The following TMEM150A variants were observed in gnomAD, a reference collection of about 807,000 sequenced individuals.
The protein encoded by TMEM150A is fasting-inducible integral membrane protein TM6P1.
In TMEM150A, 18 loss-of-function variants were observed where a neutral mutation model predicts 29.8. The observed-to-expected ratio is 0.60, with a 90% CI of 0.42 to 0.90. The LOEUF (loss-of-function observed/expected upper bound fraction) is 0.90. TMEM150A is among the 40% of genes least tolerant of loss of function. The probability of loss-of-function intolerance (pLI) is 0.00; values close to 1 mark genes in which losing one functional copy is unlikely to be tolerated. For missense variants in TMEM150A, 251 were observed against 349.7 expected, an observed-to-expected ratio of 0.72 and a Z score of 2.25; for synonymous variants, 127 against 143.6, an observed-to-expected ratio of 0.88 and a Z score of 0.83.
At chr2:85,600,112 C>G in intron 5 of TMEM150A, 94 bp from the exon 6 acceptor site, 1 of 1,526,154 alleles carries the variant, frequency 6.6e-7, no homozygotes, top group East Asian at 2.3e-5. Flanking sequence ...TGCTCCTGCC[C>G]CTTCTGAGGG....
intron 4 of TMEM150A, chr2:85,600,648 A>C: frequency 1.8e-6 from 1 of 568,064 alleles, no homozygotes; most frequent in Admixed American, 3.1e-5. Context: ...CAACCCTGAC[A>C]CTCTTTGCTG....
chr2:85,601,667 C>T lies in TMEM150A; in HGVS notation c.66-185G>A. ...TGCAGCATGCCCCCAGCTACAGGCC[C>T]TCTGGAAATTGCCCTGGCTAGAAGT... On this transcript the variant is annotated intron_variant, in intron 2 of 7. Transcript: ENST00000334462. The surrounding 1 kb of genome is among the most constrained non-coding windows in gnomAD (Gnocchi z 4.0). 3.6e-6 allele frequency: 3 copies of T among 843,376 alleles called. No homozygotes were observed. The South Asian group carries it at 4.9e-5, about 14-fold the overall frequency. 52.2% of individuals were successfully genotyped at this position (843,376 alleles called of 1,614,324 possible). A position where few individuals can be genotyped will look rare whatever the true frequency, so the allele number is the denominator to read the frequency against.
rs1410268446 is a variant in TMEM150A at position 85,598,731 on chromosome 2, C to T, written c.*345G>A. On this transcript the variant is annotated 3_prime_UTR_variant, in exon 8 of 8. Coordinates refer to ENST00000334462, the MANE Select transcript of TMEM150A (RefSeq NM_001031738.3). ...TCCACCTCCACCAGACTTCTATCCC[C>T]TCTGCTGTTCCCAGCCCCCAATTCC... is the stretch of plus-strand genomic sequence containing the variant. 1 of 303,076 alleles carries T rather than the reference C, an allele frequency of 3.3e-6. No individual in the cohort carries two copies. The highest frequency in any genetic ancestry group is 2.1e-5 in the African/African-American group (1 of 46,826). The allele number at this position is 303,076 out of a possible 1,614,324, so 18.8% of individuals were successfully genotyped here. A position where few individuals can be genotyped will look rare whatever the true frequency, so the allele number is the denominator to read the frequency against.
Position 85,601,111 on chromosome 2 carries a change from G to A in TMEM150A, c.114-4C>T, listed in dbSNP as rs1168731744. 8.1e-6 allele frequency: 13 copies of A among 1,612,372 alleles called. No homozygotes were observed. Among genetic ancestry groups the A allele is most frequent in the Middle Eastern group, 1.7e-4 (1 of 5,862 alleles). The stretch of plus-strand genomic sequence containing the variant: ...AGGGCAGGACTCGTTGTAGGACCTG[G>A]CAGGCAGGACAGGGAGTAGACTGGG... On this transcript the variant is annotated splice_region_variant and splice_polypyrimidine_tract_variant and intron_variant, in intron 3 of 7. Transcript: ENST00000334462. The surrounding 1 kb of genome is among the most constrained non-coding windows in gnomAD (Gnocchi z 4.0).
At position 85,602,084 on chromosome 2, in the gene TMEM150A, G is replaced by T; in HGVS notation, c.-116-20C>A. The T allele has an allele frequency of 2.6e-6, 2 of 757,422 alleles. No individual in the cohort carries two copies. Among genetic ancestry groups the T allele is most frequent in the African/African-American group, 1.7e-5 (1 of 58,074 alleles). The allele number at this position is 757,422 out of a possible 1,614,324, so 46.9% of individuals were successfully genotyped here. A position where few individuals can be genotyped will look rare whatever the true frequency, so the allele number is the denominator to read the frequency against. ...CCTGGCCTGGTGGAGAGAGATCAAA[G>T]TCCAGGAGTGGGTAACTGGCCGGGA... On this transcript the variant is annotated intron_variant, in intron 1 of 7. Coordinates refer to ENST00000334462, the MANE Select transcript of TMEM150A (RefSeq NM_001031738.3). This position sits in a 1 kb window ranked among gnomAD's most constrained non-coding sequence, Gnocchi z 5.6.
Position 85,601,518 on chromosome 2 carries a change from C to A in TMEM150A, c.66-36G>T. 1.2e-6 allele frequency: 2 copies of A among 1,604,152 alleles called. No individual in the cohort carries two copies. Among genetic ancestry groups the A allele is most frequent in the Non-Finnish European group, 8.5e-7 (1 of 1,175,286 alleles). ...AGAACTGTCACCCTGGCAGCCTTCCCGAGCCCCACTCAACCCACCCCATGA... is the reference window on the plus strand; with the variant it reads ...AGAACTGTCACCCTGGCAGCCTTCCAGAGCCCCACTCAACCCACCCCATGA... On this transcript the variant is annotated intron_variant, in intron 2 of 7. Coordinates refer to ENST00000334462, the MANE Select transcript of TMEM150A (RefSeq NM_001031738.3). The surrounding 1 kb of genome is among the most constrained non-coding windows in gnomAD (Gnocchi z 4.0).
Position 85,600,368 on chromosome 2 carries a change from A to T in TMEM150A, c.245T>A (p.Ile82Asn). The T allele has an allele frequency of 6.2e-7, 1 of 1,613,940 alleles. No individual in the cohort carries two copies. The highest frequency in any genetic ancestry group is 1.1e-5 in the South Asian group (1 of 91,070). The stretch of plus-strand genomic sequence containing the variant: ...ACCCATGAAAGCACCCATGTTGCCA[A>T]TGAGGCTGAAGAGGCAGCTTTCTGG... ...YPPESCLFSL[I>N]GNMGAFMVAL... Residue 82 changes from isoleucine to asparagine, a missense_variant, in exon 5 of 8, where the codon ATT (isoleucine) becomes AAT (asparagine). Transcript: ENST00000334462.
Position 85,599,747 on chromosome 2 carries a change from C to T in TMEM150A, c.397-45G>A, listed in dbSNP as rs746391167. On this transcript the variant is annotated intron_variant, in intron 6 of 7. Coordinates refer to ENST00000334462, the MANE Select transcript of TMEM150A (RefSeq NM_001031738.3). The surrounding 1 kb of genome is among the most constrained non-coding windows in gnomAD (Gnocchi z 6.0). ...AGTTGGTGATGTGGCCATGGCCCCA[C>T]CTCTCCACCCCTCCTTCAATGAATC... 6 of 1,594,504 alleles carry T rather than the reference C, an allele frequency of 3.8e-6. No homozygotes were observed. The South Asian group carries it at 6.7e-5, about 18-fold the overall frequency.
chr2:85,599,894 A>G lies in TMEM150A; in HGVS notation c.393T>C (p.Phe131=). 6.2e-7 allele frequency: 1 copy of G among 1,613,236 alleles called. No homozygotes were observed. Among genetic ancestry groups the G allele is most frequent in the African/African-American group, 1.3e-5 (1 of 75,016 alleles). ...NAAGLLVVGN[F]QVDHARSLHY... ...TGCAGGGGAGAAGGGGAAGCACCTG[A>G]AAGTTGCCAACCACCAAGAGGCCCG... is the stretch of plus-strand genomic sequence containing the variant. The change falls in exon 6 of 8, where the codon TTT becomes TTC. Residue 131 remains phenylalanine, a synonymous_variant. Transcript: ENST00000334462. This position sits in a 1 kb window ranked among gnomAD's most constrained non-coding sequence, Gnocchi z 6.0.
In TMEM150A at chr2:85,599,451, C is replaced by T. The variant is rs964935780; in HGVS notation, c.574+74G>A. 44 of 1,565,938 alleles carry T rather than the reference C, an allele frequency of 2.8e-5. No homozygotes were observed. The highest frequency in any genetic ancestry group is 2.3e-4 in the African/African-American group (17 of 73,470). On this transcript the variant is annotated intron_variant, in intron 7 of 7. Transcript: ENST00000334462. This position sits in a 1 kb window ranked among gnomAD's most constrained non-coding sequence, Gnocchi z 6.0. ...CCCACATGGCAGTGTTAGGCCTCCA[C>T]CCCCCATCCTCTTGGGAGGGAGAAA...
rs1419295487 is a variant in TMEM150A, at chr2:85,602,196, AC to A, written c.-116-133del. 1 of 472,126 alleles carries A rather than the reference AC, an allele frequency of 2.1e-6. No individual in the cohort carries two copies. Among genetic ancestry groups the A allele is most frequent in the East Asian group, 3.8e-5 (1 of 26,426 alleles). 29.2% of individuals were successfully genotyped at this position (472,126 alleles called of 1,614,324 possible). A position where few individuals can be genotyped will look rare whatever the true frequency, so the allele number is the denominator to read the frequency against. On this transcript the variant is annotated intron_variant, in intron 1 of 7. Coordinates refer to ENST00000334462, the MANE Select transcript of TMEM150A (RefSeq NM_001031738.3). The surrounding 1 kb of genome is among the most constrained non-coding windows in gnomAD (Gnocchi z 5.6). Reference sequence around the variant, plus strand: ...AAGTTTGGGCTGAGCCCACGGCAGAACGTGAACACCCTCTGGCACTGGGGGC... The same window carrying A: ...AAGTTTGGGCTGAGCCCACGGCAGAAGTGAACACCCTCTGGCACTGGGGGC...
Position 85,601,820 on chromosome 2 carries a change from GGACAA to G in TMEM150A, c.65+59_65+63del. The G allele has an allele frequency of 1.3e-6, 2 of 1,582,882 alleles. No homozygotes were observed. Among genetic ancestry groups the G allele is most frequent in the Non-Finnish European group, 1.7e-6 (2 of 1,153,808 alleles). ...CCTGGGTACCACCGTGGCTATGACAGGACAAGAGACTTTGTGTGCGTCATCAAGCT... is the reference window on the plus strand; with the variant it reads ...CCTGGGTACCACCGTGGCTATGACAGGAGACTTTGTGTGCGTCATCAAGCT... On this transcript the variant is annotated intron_variant, in intron 2 of 7. Transcript: ENST00000334462. The surrounding 1 kb of genome is among the most constrained non-coding windows in gnomAD (Gnocchi z 4.0).
rs894032537 is a variant in TMEM150A, at chr2:85,601,709, C to G, written c.65+175G>C. 1.1e-6 allele frequency: 1 copy of G among 897,072 alleles called. No individual in the cohort carries two copies. The highest frequency in any genetic ancestry group is 1.7e-5 in the African/African-American group (1 of 59,954). 55.6% of individuals were successfully genotyped at this position (897,072 alleles called of 1,614,324 possible). A position where few individuals can be genotyped will look rare whatever the true frequency, so the allele number is the denominator to read the frequency against. ...GCTAGAAGTATATTTGTCAGGGCCA[C>G]CCTGCTGGACAGCAGTGGTGCCAGC... is the stretch of plus-strand genomic sequence containing the variant. On this transcript the variant is annotated intron_variant, in intron 2 of 7. Transcript: ENST00000334462. The surrounding 1 kb of genome is among the most constrained non-coding windows in gnomAD (Gnocchi z 4.0).
At position 85,602,051 on chromosome 2, in the gene TMEM150A, T is replaced by A; in HGVS notation, c.-103A>T. 2 of 1,022,542 alleles carry A rather than the reference T, an allele frequency of 2.0e-6. No individual in the cohort carries two copies. The highest frequency in any genetic ancestry group is 3.1e-6 in the Non-Finnish European group (2 of 651,000). The allele number at this position is 1,022,542 out of a possible 1,614,324, so 63.3% of individuals were successfully genotyped here. Reference sequence around the variant, plus strand: ...CCTTGAGATGTTTCTGCCACAACCATCAGCTGTCCTGGCCTGGTGGAGAGA... The same window carrying A: ...CCTTGAGATGTTTCTGCCACAACCAACAGCTGTCCTGGCCTGGTGGAGAGA... On this transcript the variant is annotated 5_prime_UTR_variant, in exon 2 of 8. An upstream start codon of the reference 5' UTR is lost. Coordinates refer to ENST00000334462, the MANE Select transcript of TMEM150A (RefSeq NM_001031738.3). The surrounding 1 kb of genome is among the most constrained non-coding windows in gnomAD (Gnocchi z 5.6).
In TMEM150A at chr2:85,601,434, C is replaced by G. The variant is rs1672951012; in HGVS notation, c.113+1G>C. The G allele has an allele frequency of 1.9e-6, 3 of 1,613,740 alleles. No homozygotes were observed. Among genetic ancestry groups the G allele is most frequent in the South Asian group, 1.1e-5 (1 of 91,060 alleles). ...AAGGTTGTCTGCAGAGTCCTTCATA[C>G]CAGTTCTCCACAGGGCATACATGGT... On this transcript the variant is annotated splice_donor_variant, in intron 3 of 7. Coordinates refer to ENST00000334462, the MANE Select transcript of TMEM150A (RefSeq NM_001031738.3). LOFTEE classifies it high-confidence loss of function. This position sits in a 1 kb window ranked among gnomAD's most constrained non-coding sequence, Gnocchi z 4.0.
rs1243063403 is a variant in TMEM150A at position 85,601,323 on chromosome 2, A to G, written c.113+112T>C. 7.1e-7 allele frequency: 1 copy of G among 1,402,122 alleles called. No individual in the cohort carries two copies. The highest frequency in any genetic ancestry group is 1.0e-6 in the Non-Finnish European group (1 of 987,672). The allele number at this position is 1,402,122 out of a possible 1,614,324, so 86.9% of individuals were successfully genotyped here. ...AGCCATGCCTGGGGACCAATTTCAG[A>G]GAAGAGCAGTGAGGCTCAGGGTTGC... On this transcript the variant is annotated intron_variant, in intron 3 of 7. Coordinates refer to ENST00000334462, the MANE Select transcript of TMEM150A (RefSeq NM_001031738.3). This position sits in a 1 kb window ranked among gnomAD's most constrained non-coding sequence, Gnocchi z 4.0.
rs1308599249 is a variant in TMEM150A at position 85,602,540 on chromosome 2, C to A, written c.-117+67G>T. 1 of 152,090 alleles carries A rather than the reference C, an allele frequency of 6.6e-6. No individual in the cohort carries two copies. Among genetic ancestry groups the A allele is most frequent in the Middle Eastern group, 3.4e-3 (1 of 290 alleles). The allele number at this position is 152,090 out of a possible 1,614,324, so 9.4% of individuals were successfully genotyped here. Reference sequence around the variant, plus strand: ...CCCTGCGGCCGGCGACCCCCCAGGACCCGGGACGCGAGAGTCCCCAGGTGA... The same window carrying A: ...CCCTGCGGCCGGCGACCCCCCAGGAACCGGGACGCGAGAGTCCCCAGGTGA... On this transcript the variant is annotated intron_variant, in intron 1 of 7. Coordinates refer to ENST00000334462, the MANE Select transcript of TMEM150A (RefSeq NM_001031738.3). This position sits in a 1 kb window ranked among gnomAD's most constrained non-coding sequence, Gnocchi z 5.6.
At position 85,598,905 on chromosome 2, in the gene TMEM150A, G is replaced by C. The variant is rs895309526; in HGVS notation, c.*171C>G. 2.1e-6 allele frequency: 2 copies of C among 966,312 alleles called. No individual in the cohort carries two copies. Among genetic ancestry groups the C allele is most frequent in the East Asian group, 2.7e-5 (1 of 37,352 alleles). The allele number at this position is 966,312 out of a possible 1,614,324, so 59.9% of individuals were successfully genotyped here. A position where few individuals can be genotyped will look rare whatever the true frequency, so the allele number is the denominator to read the frequency against. ...GGTCATGCAGCTGTGGCAGCTGGCA[G>C]GGCCCACTCCTCCATGGCACAGGTG... On this transcript the variant is annotated 3_prime_UTR_variant, in exon 8 of 8. Coordinates refer to ENST00000334462, the MANE Select transcript of TMEM150A (RefSeq NM_001031738.3).
chr2:85,601,857 G>GC lies in TMEM150A; in HGVS notation c.65+26dup, dbSNP rs565768306. On this transcript the variant is annotated intron_variant, in intron 2 of 7. Transcript: ENST00000334462. The surrounding 1 kb of genome is among the most constrained non-coding windows in gnomAD (Gnocchi z 4.0). ...TTGTGTGCGTCATCAAGCTCCTGTT[G>GC]CCCCCCGGGCACCCCCCTTTACTCA... 1.4e-4 allele frequency: 233 copies of GC among 1,612,382 alleles called. No individual in the cohort carries two copies. The African/African-American group carries it at 1.9e-3, about 13-fold the overall frequency.
Sources: allele counts gnomAD v4.1 joint callset, GRCh38; gene constraint gnomAD v4.1.1; non-coding constraint Gnocchi (gnomAD v3.1); transcripts MANE v1.5; gene names NCBI Gene and HGNC (gene_info 2026-07-23, HGNC 2026-07-21).